MAGI2: variants seen among roughly 807,000 people sequenced by gnomAD.
MAGI2 encodes membrane-associated guanylate kinase, WW and PDZ domain-containing protein 2.
MAGI2 carries 35 observed loss-of-function variants against 133.3 expected under a neutral mutation model. That is an observed-to-expected ratio of 0.26 (90% CI 0.20 to 0.35). The LOEUF (loss-of-function observed/expected upper bound fraction) is 0.35, where lower values mean the gene tolerates loss of function less well. MAGI2 is among the 10% of genes least tolerant of loss of function. MAGI2 has a pLI of 1.00. For synonymous variants in MAGI2, 729 were observed against 710.6 expected (o/e 1.03, Z -0.41); for missense variants, 1,636 against 1,863.4 (o/e 0.88, Z 2.25).
In MAGI2 at chr7:78,890,000, C is replaced by T. The variant is rs577962533; in HGVS notation, c.418+117090G>A. Among the ~76,000 whole-genome samples the T allele has an allele frequency of 3.3e-5, 5 of 152,230 alleles. No individual in the cohort carries two copies. The South Asian group carries it at 1.0e-3, about 32-fold the overall frequency. The stretch of plus-strand genomic sequence containing the variant: ...AGGAGACCCATCTCACGTGCAGAGA[C>T]ACATATAGGCTCAAAATAAAGGGAT... On this transcript the variant is annotated intron_variant, in intron 2 of 21. Coordinates refer to ENST00000354212, the MANE Select transcript of MAGI2 (RefSeq NM_012301.4).
chr7:78,859,054 TG>T (rs1793920456), intron 2 of MAGI2, among the ~76,000 whole-genome samples: 1 of 152,042 alleles, frequency 6.6e-6, no homozygotes, highest in African/African-American at 2.4e-5. Context: ...AGATTAGGAT[TG>T]CAACCCCTGC....
chr7:78,312,213 G>T (rs1215248338), intron 9 of MAGI2, among the ~76,000 whole-genome samples: 2 of 143,156 alleles, frequency 1.4e-5, no homozygotes, highest in Non-Finnish European at 3.1e-5. Flanking sequence ...AAAAAAAGTT[G>T]TTTTATTTTG....
In MAGI2 at chr7:78,058,425, G is replaced by T. The variant is rs972318084; in HGVS notation, c.3706+20522C>A. 2.6e-5 allele frequency among the ~76,000 whole-genome samples: 4 copies of T among 151,806 alleles called. No homozygotes were observed. The South Asian group carries it at 6.3e-4, about 24-fold the overall frequency. ...TAACTGCTGAAGCCACAACTATGAT[G>T]CAGTTGCTTGTTGTGAATCACTATT... On this transcript the variant is annotated intron_variant, in intron 21 of 21. Transcript: ENST00000354212.
At chr7:79,088,547 T>C (rs892275729) in intron 1 of MAGI2, among the ~76,000 whole-genome samples, 1 of 152,142 alleles carries the variant, frequency 6.6e-6, no homozygotes, top group Non-Finnish European at 1.5e-5. Context: ...CAATAATATG[T>C]TGAATAGGAG....
chr7:79,244,310 A>G (rs1393644927), intron 1 of MAGI2, among the ~76,000 whole-genome samples: 1 of 152,230 alleles, frequency 6.6e-6, no homozygotes, highest in Non-Finnish European at 1.5e-5. Context: ...GTGAGCAATC[A>G]CAGTACCTGG....
chr7:79,337,550 CAA>C (rs1274320296), intron 1 of MAGI2, among the ~76,000 whole-genome samples: 1 of 152,146 alleles, frequency 6.6e-6, no homozygotes, highest in Non-Finnish European at 1.5e-5. Flanking sequence ...GCAGTTGGTT[CAA>C]GTTTGTGAAC....
intron 2 of MAGI2, among the ~76,000 whole-genome samples, chr7:78,695,148 C>A (rs1004666746): frequency 1.3e-5 from 2 of 152,102 alleles, no homozygotes; most frequent in African/African-American, 2.4e-5. Context: ...TTGCTTGAAC[C>A]AGGGAGGCAG....
At position 78,576,113 on chromosome 7, in the gene MAGI2, GA is replaced by G. The variant is rs1802240524; in HGVS notation, c.538+51006del. Among the ~76,000 whole-genome samples, 3 of 125,540 alleles carry G rather than the reference GA, an allele frequency of 2.4e-5. No homozygotes were observed. In the South Asian group the frequency reaches 9.1e-4, roughly 38 times the overall value. 82.4% of individuals were successfully genotyped at this position (125,540 alleles called of 152,430 possible). ...TTTCATGAAAACTACCACAACAGTA[GA>G]ATGAAAACACTTCTGTAAATTCAGG... On this transcript the variant is annotated intron_variant, in intron 3 of 21. Transcript: ENST00000354212.
intron 21 of MAGI2, among the ~76,000 whole-genome samples, chr7:78,070,036 G>T (rs954286503): frequency 4.4e-4 from 67 of 150,950 alleles, no homozygotes; most frequent in Non-Finnish European, 7.4e-5. Context: ...ATTGAGGAAG[G>T]CTGGACCTTA....
rs574389747 is a variant in MAGI2 at position 78,960,957 on chromosome 7, C to T, written c.418+46133G>A. 7.9e-5 allele frequency among the ~76,000 whole-genome samples: 12 copies of T among 152,202 alleles called. No individual in the cohort carries two copies. The South Asian group carries it at 2.3e-3, about 29-fold the overall frequency. Reference sequence around the variant, plus strand: ...TCCTTTTCAAAGCTCTCCTAAGTAACAGAAACTCCAGGATAGGGAATTTGG... The same window carrying T: ...TCCTTTTCAAAGCTCTCCTAAGTAATAGAAACTCCAGGATAGGGAATTTGG... On this transcript the variant is annotated intron_variant, in intron 2 of 21. Transcript: ENST00000354212.
chr7:78,333,327 AG>A (rs1330441462), intron 9 of MAGI2, among the ~76,000 whole-genome samples: 2 of 152,324 alleles, frequency 1.3e-5, no homozygotes, highest in East Asian at 3.9e-4. Context: ...GTACTTTCTT[AG>A]GGGAGTTTGC....
chr7:78,078,849 G>T, intron 21 of MAGI2, 98 bp downstream of exon 21: 3 of 1,314,812 alleles, frequency 2.3e-6, no homozygotes, highest in African/African-American at 1.4e-5. Flanking sequence ...TATATATTTA[G>T]GTAGAAGTGG....
intron 11 of MAGI2, among the ~76,000 whole-genome samples, chr7:78,198,979 C>T (rs1210632802): frequency 6.6e-6 from 1 of 152,174 alleles, no homozygotes; most frequent in East Asian, 1.9e-4. Flanking sequence ...ATCAGTAGGA[C>T]AGAAAAGAGT....
intron 21 of MAGI2, among the ~76,000 whole-genome samples, chr7:78,020,442 CTG>C (rs776752399): frequency 9.2e-5 from 14 of 152,134 alleles, no homozygotes; most frequent in Non-Finnish European, 1.9e-4. Context: ...AGGAAGTCCT[CTG>C]TATTTTTATC....
At chr7:78,717,468 A>T (rs1354319982) in intron 2 of MAGI2, among the ~76,000 whole-genome samples, 2 of 152,156 alleles carry the variant, frequency 1.3e-5, no homozygotes, top group African/African-American at 4.8e-5. Context: ...AATCTGCTAC[A>T]AATTTCCACT....
At chr7:79,265,306 T>C (rs1243245851) in intron 1 of MAGI2, among the ~76,000 whole-genome samples, 2 of 152,168 alleles carry the variant, frequency 1.3e-5, no homozygotes, top group Non-Finnish European at 2.9e-5. Flanking sequence ...GTGATGGTAA[T>C]ACACATGAAA....
At chr7:79,049,543 T>A (rs1024180547) in intron 1 of MAGI2, among the ~76,000 whole-genome samples, 2 of 152,174 alleles carry the variant, frequency 1.3e-5, no homozygotes, top group Non-Finnish European at 2.9e-5. Context: ...CCTTGATTAA[T>A]CCAGCTTTGA....
At chr7:78,810,233 C>A (rs910362942) in intron 2 of MAGI2, among the ~76,000 whole-genome samples, 1 of 151,876 alleles carries the variant, frequency 6.6e-6, no homozygotes, top group Non-Finnish European at 1.5e-5. Flanking sequence ...TTCTTTTAAA[C>A]TGTTGGCAGC....
chr7:79,006,934 C>A (rs1584652621), intron 2 of MAGI2, 156 bp downstream of exon 2: 4 of 540,004 alleles, frequency 7.4e-6, no homozygotes, highest in Non-Finnish European at 1.3e-5. Context: ...CAGTTATAAG[C>A]ATTTGCACTT....
Sources: gnomAD v4.1 joint callset for allele counts (sites outside exome capture counted in the v4.1 genomes callset) on GRCh38, gnomAD v4.1.1 for gene constraint, MANE v1.5 for transcripts, NCBI Gene and HGNC (gene_info 2026-07-23, HGNC 2026-07-21) for gene names.